Variants in DISP2 observed in about 807,000 individuals in gnomAD.
DISP2 encodes protein dispatched homolog 2.
In DISP2, 59 loss-of-function variants were observed where a neutral mutation model predicts 95.5. The observed-to-expected ratio is 0.62, with a 90% CI of 0.50 to 0.77. The LOEUF is 0.77. Ranked by LOEUF, DISP2 falls within the 30% of genes least tolerant of loss-of-function variation. The probability of loss-of-function intolerance (pLI) is 0.00; values close to 1 mark genes in which losing one functional copy is unlikely to be tolerated. For missense variants in DISP2, 1,752 were observed against 1,854.6 expected (o/e 0.94, Z 1.02); for synonymous variants, 827 against 815.0 (o/e 1.01, Z -0.25).
rs781454526 is a variant in DISP2 at position 40,370,320 on chromosome 15, G to A, written c.*2G>A. On this transcript the variant is annotated 3_prime_UTR_variant, in exon 8 of 8. Transcript: ENST00000267889. ...CACACGTCAGGCTATAGCAGCTGAGGGGGACCCGGGGAGGCTGGACAGGGC... is the reference window on the plus strand; with the variant it reads ...CACACGTCAGGCTATAGCAGCTGAGAGGGACCCGGGGAGGCTGGACAGGGC... 2 of 1,522,258 alleles carry A rather than the reference G, an allele frequency of 1.3e-6. No homozygotes were observed. Among genetic ancestry groups the A allele is most frequent in the African/African-American group, 1.4e-5 (1 of 72,206 alleles). The allele number at this position is 1,522,258 out of a possible 1,614,324, so 94.3% of individuals were successfully genotyped here.
chr15:40,361,190 T>C (rs1206182012), intron 1 of DISP2, among the ~76,000 whole-genome samples: 1 of 152,240 alleles, frequency 6.6e-6, no homozygotes, highest in Non-Finnish European at 1.5e-5. Flanking sequence ...GTATCAGTGA[T>C]TAAAATCATG....
chr15:40,364,261 C>T lies in DISP2; in HGVS notation c.479+6C>T. 1 of 1,614,154 alleles carries T rather than the reference C, an allele frequency of 6.2e-7. No individual in the cohort carries two copies. Among genetic ancestry groups the T allele is most frequent in the Non-Finnish European group, 8.5e-7 (1 of 1,180,022 alleles). On this transcript the variant is annotated splice_donor_region_variant and intron_variant, in intron 3 of 7. Transcript: ENST00000267889. The stretch of plus-strand genomic sequence containing the variant: ...GCCTTCCAGATGCCAAAGAGGTAGG[C>T]CTGGGCCTTCCCTGGACCTCTAGGG...
rs1331453357 is a variant in DISP2, at chr15:40,369,216, A to G, written c.3104A>G (p.Asn1035Ser). The change falls in exon 8 of 8, where the codon AAC (asparagine) becomes AGC (serine). Residue 1035 changes from asparagine (N) to serine (S), a missense_variant. Physicochemically the swap from Asn to Ser is conservative, Grantham distance 46. Coordinates refer to ENST00000267889, the MANE Select transcript of DISP2 (RefSeq NM_033510.3). ...SVGLSVDFTV[N>S]YCISYHLCPH... ...GGCCTCTCAGTAGACTTCACTGTCAACTACTGCATCTCCTATCACCTGTGC... is the reference window on the plus strand; with the variant it reads ...GGCCTCTCAGTAGACTTCACTGTCAGCTACTGCATCTCCTATCACCTGTGC... 1.9e-6 allele frequency: 3 copies of G among 1,613,906 alleles called. No homozygotes were observed. The highest frequency in any genetic ancestry group is 1.7e-6 in the Non-Finnish European group (2 of 1,180,036).
chr15:40,365,262 T>G lies in DISP2; in HGVS notation c.835T>G (p.Cys279Gly). 6.2e-7 allele frequency: 1 copy of G among 1,613,858 alleles called. No homozygotes were observed. Residue 279 changes from cysteine (C) to glycine (G), a missense_variant, in exon 6 of 8, where the codon TGT becomes GGT. By Grantham distance (159) the Cys-to-Gly change is radical. Around this residue, in one of 5 missense-constraint regions of DISP2, gnomAD observed 342 missense variants for 364.3 expected, o/e 0.94. Transcript: ENST00000267889. ...GGACAGAAGGCAAGAGAACTTCTTC[T>G]GTGGCCCCCCTGGTAAGCTGCAGCC... ...LEDRRQENFF[C>G]GPPEKSYAKL...
chr15:40,367,997 C>T lies in DISP2; in HGVS notation c.1885C>T (p.His629Tyr), dbSNP rs1216250984. The T allele has an allele frequency of 3.9e-6, 6 of 1,542,322 alleles. No homozygotes were observed. Among genetic ancestry groups the T allele is most frequent in the Non-Finnish European group, 4.3e-6 (5 of 1,150,600 alleles). Residue 629 changes from histidine to tyrosine, a missense_variant, in exon 8 of 8, where the codon CAC becomes TAC. Physicochemically the swap from His to Tyr is moderately conservative, Grantham distance 83 (BLOSUM62 2). This residue lies in a region of DISP2 where 732 missense variants were observed against 714.6 expected (regional missense o/e 1.02). Transcript: ENST00000267889. ...CTTCATGGGCACGGCTGTGCTGGTG[C>T]ACCTGGCGCTCACGCTGGTCTGGCT... The part of the protein sequence containing the change: ...ALFMGTAVLV[H>Y]LALTLVWLPA...
chr15:40,370,257 C>T lies in DISP2; in HGVS notation c.4145C>T (p.Pro1382Leu). 1 of 1,569,912 alleles carries T rather than the reference C, an allele frequency of 6.4e-7. No homozygotes were observed. Among genetic ancestry groups the T allele is most frequent in the Non-Finnish European group, 8.6e-7 (1 of 1,158,500 alleles). The part of the protein sequence containing the change: ...GSPVVLPNSQ[P>L]DLPDVWLRRP... ...CCTGTGGTGCTGCCCAATAGCCAGCCAGACCTGCCAGATGTTTGGCTGCGC... is the reference window on the plus strand; with the variant it reads ...CCTGTGGTGCTGCCCAATAGCCAGCTAGACCTGCCAGATGTTTGGCTGCGC... The change falls in exon 8 of 8, where the codon CCA (proline) becomes CTA (leucine). Residue 1382 changes from proline (P) to leucine (L), a missense_variant. Pro to Leu is a moderately conservative substitution (Grantham distance 98, BLOSUM62 -3). Transcript: ENST00000267889.
rs888590654 is a variant in DISP2, at chr15:40,359,449, A to T, written c.119+1009A>T. Among the ~76,000 whole-genome samples, 3 of 152,252 alleles carry T rather than the reference A, an allele frequency of 2.0e-5. No homozygotes were observed. The East Asian group carries it at 5.8e-4, about 29-fold the overall frequency. ...AGATTTAGCCACTCTTCAGTCTGAA[A>T]GTCACAAAGCCTTCAAGAAGGTGAG... On this transcript the variant is annotated intron_variant, in intron 1 of 7. Transcript: ENST00000267889.
In DISP2 at chr15:40,368,853, G is replaced by T. The variant is rs1296353073; in HGVS notation, c.2741G>T (p.Ser914Ile). ...VLQFQTNFRN[S>I]PDYNQTQLFY... ...CAATTCCAGACCAACTTCCGGAACA[G>T]TCCGGACTACAACCAGACCCAGCTC... is the stretch of plus-strand genomic sequence containing the variant. Residue 914 changes from serine to isoleucine, a missense_variant, in exon 8 of 8, where the codon AGT becomes ATT. Ser to Ile is a moderately radical substitution (Grantham distance 142). Around this residue, in one of 5 missense-constraint regions of DISP2, gnomAD observed 317 missense variants for 394.9 expected, o/e 0.80. Transcript: ENST00000267889. 6.2e-7 allele frequency: 1 copy of T among 1,614,028 alleles called. No individual in the cohort carries two copies. The highest frequency in any genetic ancestry group is 1.7e-5 in the Admixed American group (1 of 60,034).
At chr15:40,364,321 C>A in intron 3 of DISP2, 66 bp downstream of exon 3, 1 of 1,613,822 alleles carries the variant, frequency 6.2e-7, no homozygotes. Flanking sequence ...CCCTGTTCCC[C>A]GTGCTCTCTG....
At position 40,369,522 on chromosome 15, in the gene DISP2, G is replaced by C. The variant is rs376137592; in HGVS notation, c.3410G>C (p.Gly1137Ala). Residue 1137 changes from glycine (G) to alanine (A), a missense_variant, in exon 8 of 8, where the codon GGG becomes GCG. Physicochemically the swap from Gly to Ala is moderately conservative, Grantham distance 60. Coordinates refer to ENST00000267889, the MANE Select transcript of DISP2 (RefSeq NM_033510.3). ...CAHLPWDAGT[G>A]DPGGEKAGRP... Reference sequence around the variant, plus strand: ...CACCTGCCATGGGATGCTGGTACTGGGGACCCTGGTGGGGAGAAGGCAGGC... The same window carrying C: ...CACCTGCCATGGGATGCTGGTACTGCGGACCCTGGTGGGGAGAAGGCAGGC... 47 of 1,612,910 alleles carry C rather than the reference G, an allele frequency of 2.9e-5. No homozygotes were observed. In the Admixed American group the frequency reaches 7.2e-4, roughly 25 times the overall value.
intron 4 of DISP2, 59 bp from the exon 5 acceptor site, chr15:40,364,779 C>A: frequency 6.5e-7 from 1 of 1,536,622 alleles, no homozygotes; most frequent in Non-Finnish European, 8.9e-7. Flanking sequence ...AGCTGAGAAG[C>A]ACCCAAATGG....
Position 40,370,327 on chromosome 15 carries a change from C to G in DISP2, c.*9C>G. The G allele has an allele frequency of 2.0e-6, 3 of 1,519,948 alleles. No individual in the cohort carries two copies. The highest frequency in any genetic ancestry group is 2.6e-6 in the Non-Finnish European group (3 of 1,134,206). The allele number at this position is 1,519,948 out of a possible 1,614,324, so 94.2% of individuals were successfully genotyped here. A position where few individuals can be genotyped will look rare whatever the true frequency, so the allele number is the denominator to read the frequency against. On this transcript the variant is annotated 3_prime_UTR_variant, in exon 8 of 8. Transcript: ENST00000267889. ...CAGGCTATAGCAGCTGAGGGGGACC[C>G]GGGGAGGCTGGACAGGGCGCGGAAC...
rs753364423 is a variant in DISP2 at position 40,368,346 on chromosome 15, C to T, written c.2234C>T (p.Pro745Leu). The change falls in exon 8 of 8, where the codon CCC (proline) becomes CTC (leucine). Residue 745 changes from proline (P) to leucine (L), a missense_variant. Pro to Leu is a moderately conservative substitution (Grantham distance 98). Coordinates refer to ENST00000267889, the MANE Select transcript of DISP2 (RefSeq NM_033510.3). ...PGGQVFRPSH[P>L]FERFDAEYRQ... ...GGCCAGGTCTTCCGGCCCAGCCACCCCTTCGAGCGCTTCGACGCGGAGTAT... is the reference window on the plus strand; with the variant it reads ...GGCCAGGTCTTCCGGCCCAGCCACCTCTTCGAGCGCTTCGACGCGGAGTAT... 2 of 1,605,506 alleles carry T rather than the reference C, an allele frequency of 1.2e-6. No homozygotes were observed. Among genetic ancestry groups the T allele is most frequent in the East Asian group, 2.2e-5 (1 of 44,796 alleles).
intron 1 of DISP2, among the ~76,000 whole-genome samples, 154 bp from the exon 2 acceptor site, chr15:40,363,471 T>C (rs530125687): frequency 1.3e-5 from 2 of 152,286 alleles, no homozygotes; most frequent in South Asian, 4.1e-4. Context: ...TTCGAGCCCC[T>C]GGCCTCCTCA....
In DISP2 at chr15:40,367,749, C is replaced by G. The variant is rs573336522; in HGVS notation, c.1637C>G (p.Ala546Gly). 1.9e-5 allele frequency: 31 copies of G among 1,612,142 alleles called. No individual in the cohort carries two copies. The African/African-American group carries it at 4.1e-4, about 21-fold the overall frequency. ...GCCTACTTCCCCTTCGTCAATCTGGCAGCCCTCCTCCTGCTGAGCAGCGTC... is the reference window on the plus strand; with the variant it reads ...GCCTACTTCCCCTTCGTCAATCTGGGAGCCCTCCTCCTGCTGAGCAGCGTC... ...RMAYFPFVNL[A>G]ALLLLSSVCA... Residue 546 changes from alanine (A) to glycine (G), a missense_variant, in exon 8 of 8, where the codon GCA (alanine) becomes GGA (glycine). This residue lies in a region of DISP2 where 732 missense variants were observed against 714.6 expected (regional missense o/e 1.02). Coordinates refer to ENST00000267889, the MANE Select transcript of DISP2 (RefSeq NM_033510.3).
chr15:40,364,116 A>G, intron 2 of DISP2, 110 bp from the exon 3 acceptor site: 1 of 1,547,900 alleles, frequency 6.5e-7, no homozygotes, highest in East Asian at 2.2e-5. Flanking sequence ...TAAAAGGGTT[A>G]ATACCATGGG....
chr15:40,368,848 G>A lies in DISP2; in HGVS notation c.2736G>A (p.Arg912=). 1 of 1,614,012 alleles carries A rather than the reference G, an allele frequency of 6.2e-7. No homozygotes were observed. The highest frequency in any genetic ancestry group is 1.7e-5 in the Admixed American group (1 of 60,032). The stretch of plus-strand genomic sequence containing the variant: ...TCCTACAATTCCAGACCAACTTCCG[G>A]AACAGTCCGGACTACAACCAGACCC... ...ALVLQFQTNF[R]NSPDYNQTQL... is the part of the protein sequence containing the mutation. The change falls in exon 8 of 8, where the codon CGG becomes CGA. Residue 912 remains arginine, a synonymous_variant. Coordinates refer to ENST00000267889, the MANE Select transcript of DISP2 (RefSeq NM_033510.3).
At position 40,358,222 on chromosome 15, in the gene DISP2, C is replaced by T. The variant is rs540153669; in HGVS notation, c.-100C>T. On this transcript the variant is annotated 5_prime_UTR_variant, in exon 1 of 8. Transcript: ENST00000267889. ...CCGGCCCGCTCAGAGCCTACGCATGCGCACGAGCACCCCGCCGCCGCTGCC... is the reference window on the plus strand; with the variant it reads ...CCGGCCCGCTCAGAGCCTACGCATGTGCACGAGCACCCCGCCGCCGCTGCC... 71 of 781,202 alleles carry T rather than the reference C, an allele frequency of 9.1e-5. No individual in the cohort carries two copies. The highest frequency in any genetic ancestry group is 3.1e-4 in the Admixed American group (6 of 19,318). 48.4% of individuals were successfully genotyped at this position (781,202 alleles called of 1,614,324 possible). A position where few individuals can be genotyped will look rare whatever the true frequency, so the allele number is the denominator to read the frequency against.
chr15:40,368,324 C>G lies in DISP2; in HGVS notation c.2212C>G (p.Gln738Glu). 1 of 1,603,916 alleles carries G rather than the reference C, an allele frequency of 6.2e-7. No homozygotes were observed. The highest frequency in any genetic ancestry group is 8.5e-7 in the Non-Finnish European group (1 of 1,176,856). ...RLPTLPPPGG[Q>E]VFRPSHPFER... ...GCCCACGCTGCCGCCGCCCGGCGGC[C>G]AGGTCTTCCGGCCCAGCCACCCCTT... Residue 738 changes from glutamine (Q) to glutamate (E), a missense_variant, in exon 8 of 8, where the codon CAG (glutamine) becomes GAG (glutamate). This residue lies in a region of DISP2 where 732 missense variants were observed against 714.6 expected (regional missense o/e 1.02). Coordinates refer to ENST00000267889, the MANE Select transcript of DISP2 (RefSeq NM_033510.3).
Sources: gnomAD v4.1 joint callset for allele counts (sites outside exome capture counted in the v4.1 genomes callset) on GRCh38, gnomAD v4.1.1 for gene constraint, gnomAD v4.1.1 regional missense constraint, MANE v1.5 for transcripts, NCBI Gene and HGNC (gene_info 2026-07-23, HGNC 2026-07-21) for gene names.